Variants in CACNG3 observed in about 807,000 individuals in gnomAD.
The protein encoded by CACNG3 is calcium voltage-gated channel auxiliary subunit gamma 3.
In CACNG3, 3 loss-of-function variants were observed where a neutral mutation model predicts 28.5. The observed-to-expected ratio is 0.11, with a 90% CI of 0.05 to 0.27. The LOEUF is 0.27. Among genes scored for constraint, CACNG3 ranks in the 10% least tolerant of loss-of-function variants. The pLI is 1.00. For missense variants in CACNG3, 236 were observed against 414.4 expected, an observed-to-expected ratio of 0.57 and a Z score of 3.74; for synonymous variants, 174 against 162.2, an observed-to-expected ratio of 1.07 and a Z score of -0.55.
At chr16:24,313,005 AAAAG>A (rs531221139) in intron 1 of CACNG3, among the ~76,000 whole-genome samples, 7 of 149,778 alleles carry the variant, frequency 4.7e-5, no homozygotes, top group Non-Finnish European at 7.4e-5. Context: ...GAAAGAAAGA[AAAAG>A]AGAGAAAGAG....
intron 2 of CACNG3, among the ~76,000 whole-genome samples, chr16:24,349,087 C>T (rs1336689092): frequency 6.6e-6 from 1 of 152,224 alleles, no homozygotes; most frequent in African/African-American, 2.4e-5. Context: ...ATTCCTGATC[C>T]AGCCACGTAG....
rs747952124 is a variant in CACNG3, at chr16:24,361,755, C to T, written c.840C>T (p.Leu280=). 1.9e-6 allele frequency: 3 copies of T among 1,614,068 alleles called. No homozygotes were observed. The Admixed American group carries it at 5.0e-5, about 27-fold the overall frequency. ...CAAAGATCACCATGGGGACCCTCCT[C>T]AACTCCGACCGGGACCACGCTTTTC... The part of the protein sequence containing the change: ...DPSKITMGTL[L]NSDRDHAFLQ... The change falls in exon 4 of 4, where the codon CTC becomes CTT. Residue 280 remains leucine (L), a synonymous_variant. Coordinates refer to ENST00000005284, the MANE Select transcript of CACNG3 (RefSeq NM_006539.4). The surrounding 1 kb of genome is among the most constrained non-coding windows in gnomAD (Gnocchi z 6.8).
chr16:24,305,320 ATGTGTG>A (rs57584370), intron 1 of CACNG3, among the ~76,000 whole-genome samples: 13,202 of 136,058 alleles, frequency 0.097, 768 homozygotes, highest in African/African-American at 0.15. Flanking sequence ...ATACATAAAT[ATGTGTG>A]TGTGTGTGTG....
chr16:24,263,399 C>T (rs1323741667), intron 1 of CACNG3, among the ~76,000 whole-genome samples: 1 of 152,142 alleles, frequency 6.6e-6, no homozygotes, highest in Non-Finnish European at 1.5e-5. Context: ...AATAATTTAA[C>T]ATTTCTTTGA....
At chr16:24,265,398 GA>G (rs1222916208) in intron 1 of CACNG3, among the ~76,000 whole-genome samples, 1 of 141,026 alleles carries the variant, frequency 7.1e-6, no homozygotes, top group Non-Finnish European at 1.5e-5. Context: ...AAAGAAGAAA[GA>G]AAGAAAAAGA....
At chr16:24,297,747 G>T (rs754173751) in intron 1 of CACNG3, among the ~76,000 whole-genome samples, 2 of 152,188 alleles carry the variant, frequency 1.3e-5, no homozygotes, top group Non-Finnish European at 2.9e-5. Context: ...GGTGCTGTGG[G>T]TAGAAGATCT....
At chr16:24,355,043 C>T (rs1303949592) in intron 3 of CACNG3, 70 bp downstream of exon 3, 5 of 1,468,330 alleles carry the variant, frequency 3.4e-6, no homozygotes, top group Non-Finnish European at 4.7e-6. Context: ...ATGGAGGAAG[C>T]AATGCTACTC....
intron 1 of CACNG3, among the ~76,000 whole-genome samples, chr16:24,288,682 T>C (rs1898926578): frequency 6.6e-6 from 1 of 152,216 alleles, no homozygotes. Flanking sequence ...TGTCTGTGCT[T>C]GGCACAGCCT....
At chr16:24,273,435 A>G (rs1898714994) in intron 1 of CACNG3, among the ~76,000 whole-genome samples, 1 of 152,116 alleles carries the variant, frequency 6.6e-6, no homozygotes, top group East Asian at 1.9e-4. Context: ...TTAGCTTCCC[A>G]TTTTATAGAA....
At chr16:24,333,152 G>A (rs918317831) in intron 1 of CACNG3, among the ~76,000 whole-genome samples, 3 of 152,106 alleles carry the variant, frequency 2.0e-5, no homozygotes, top group African/African-American at 7.2e-5. Context: ...GGAAGGGAAA[G>A]ATTTCATACT....
At chr16:24,340,316 T>A (rs1410946103) in intron 1 of CACNG3, among the ~76,000 whole-genome samples, 1 of 152,124 alleles carries the variant, frequency 6.6e-6, no homozygotes, top group African/African-American at 2.4e-5. Context: ...GAGGATCACT[T>A]GAGCCCAAAA....
chr16:24,315,189 T>C (rs912176410), intron 1 of CACNG3, among the ~76,000 whole-genome samples: 5 of 152,216 alleles, frequency 3.3e-5, no homozygotes, highest in Non-Finnish European at 5.9e-5. Context: ...CTGTGTGATG[T>C]ACCTGAGGGC....
chr16:24,350,688 A>G (rs1365015045), intron 2 of CACNG3, among the ~76,000 whole-genome samples: 3 of 152,216 alleles, frequency 2.0e-5, no homozygotes, highest in Non-Finnish European at 4.4e-5. Flanking sequence ...AAGGTTAATC[A>G]TGCTTTGATT....
chr16:24,282,365 C>T (rs1268062859), intron 1 of CACNG3, among the ~76,000 whole-genome samples: 1 of 152,044 alleles, frequency 6.6e-6, no homozygotes, highest in Non-Finnish European at 1.5e-5. Context: ...GGCTAATCCT[C>T]CACCCACACT....
At chr16:24,346,926 T>A (rs1899877761) in intron 2 of CACNG3, 109 bp downstream of exon 2, 1 of 826,858 alleles carries the variant, frequency 1.2e-6, no homozygotes, top group Admixed American at 2.1e-5. Context: ...TAGAAATAGA[T>A]AAGTGCAAAG....
intron 1 of CACNG3, among the ~76,000 whole-genome samples, chr16:24,294,242 G>T (rs747165662): frequency 1.3e-5 from 2 of 152,152 alleles, no homozygotes; most frequent in Admixed American, 1.3e-4. Context: ...TCTCCCCTCC[G>T]GGCAGCGAGG....
chr16:24,345,889 A>T (rs986082902), intron 1 of CACNG3, among the ~76,000 whole-genome samples: 13 of 152,172 alleles, frequency 8.5e-5, no homozygotes, highest in African/African-American at 3.1e-4. Flanking sequence ...CTATTCTGGA[A>T]TGCCTGGACT....
intron 1 of CACNG3, among the ~76,000 whole-genome samples, chr16:24,307,892 G>A (rs573719065): frequency 3.9e-4 from 60 of 152,144 alleles, no homozygotes; most frequent in Non-Finnish European, 6.8e-4. Context: ...TACTTCTTGG[G>A]GTTGGTGGTA....
Position 24,361,955 on chromosome 16 carries a change from G to A in CACNG3, c.*92G>A. The A allele has an allele frequency of 5.4e-6, 7 of 1,285,292 alleles. No homozygotes were observed. The highest frequency in any genetic ancestry group is 6.4e-6 in the Non-Finnish European group (6 of 942,020). 79.6% of individuals were successfully genotyped at this position (1,285,292 alleles called of 1,614,324 possible). On this transcript the variant is annotated 3_prime_UTR_variant, in exon 4 of 4. Coordinates refer to ENST00000005284, the MANE Select transcript of CACNG3 (RefSeq NM_006539.4). The surrounding 1 kb of genome is among the most constrained non-coding windows in gnomAD (Gnocchi z 6.8). ...GGTTGCATGGCATGGTCCTTGTGAT[G>A]GTATTACTTTTTACAAAGAATGAAA...
Sources: allele counts gnomAD v4.1 joint callset (sites outside exome capture counted in the v4.1 genomes callset), GRCh38; gene constraint gnomAD v4.1.1; non-coding constraint Gnocchi (gnomAD v3.1); transcripts MANE v1.5; gene names NCBI Gene and HGNC (gene_info 2026-07-23, HGNC 2026-07-21).